The following GARNL3 variants were observed in gnomAD, a reference collection of about 807,000 sequenced individuals.
The protein encoded by GARNL3 is GTPase-activating Rap/Ran-GAP domain-like protein 3.
Under a neutral mutation model 125.0 loss-of-function variants are expected in GARNL3, and 63 were observed. The observed-to-expected ratio is 0.50, with a 90% CI of 0.41 to 0.62. GARNL3 has a LOEUF of 0.62. Ranked by LOEUF, GARNL3 falls within the 20% of genes least tolerant of loss-of-function variation. GARNL3 has a pLI of 0.00. For synonymous variants in GARNL3, 439 were observed against 457.5 expected (o/e 0.96, Z 0.52); for missense variants, 994 against 1,244.0 (o/e 0.80, Z 3.02).
chr9:127,373,878 C>T (rs1264804961), intron 22 of GARNL3, among the ~76,000 whole-genome samples: 4 of 152,130 alleles, frequency 2.6e-5, no homozygotes, highest in African/African-American at 7.2e-5. Context: ...TGGTAGTGCA[C>T]ACCTGCAATC....
chr9:127,345,530 A>G (rs898891961), intron 16 of GARNL3, 53 bp downstream of exon 16: 4 of 1,148,246 alleles, frequency 3.5e-6, no homozygotes. Context: ...TTCCTTAATG[A>G]AAATGATTGA....
Position 127,384,960 on chromosome 9 carries a change from C to T in GARNL3, c.2270-67C>T. The T allele has an allele frequency of 1.2e-6, 1 of 835,316 alleles. No homozygotes were observed. The highest frequency in any genetic ancestry group is 1.9e-6 in the Non-Finnish European group (1 of 518,704). 51.7% of individuals were successfully genotyped at this position (835,316 alleles called of 1,614,324 possible). A position where few individuals can be genotyped will look rare whatever the true frequency, so the allele number is the denominator to read the frequency against. On this transcript the variant is annotated intron_variant, in intron 23 of 27. Transcript: ENST00000373387. The surrounding 1 kb of genome is among the most constrained non-coding windows in gnomAD (Gnocchi z 4.0). ...TCTAGAGAAGTGAGTGTGACTATGACACAGTCACAGCCCCTTCGCGGCCAC... is the reference window on the plus strand; with the variant it reads ...TCTAGAGAAGTGAGTGTGACTATGATACAGTCACAGCCCCTTCGCGGCCAC...
chr9:127,355,642 C>T (rs1025466787), intron 20 of GARNL3, among the ~76,000 whole-genome samples, 170 bp downstream of exon 20: 18 of 152,224 alleles, frequency 1.2e-4, no homozygotes, highest in African/African-American at 4.1e-4. Context: ...AAAGCTAAAG[C>T]TCATTCATTC....
intron 7 of GARNL3, among the ~76,000 whole-genome samples, chr9:127,326,215 C>A (rs1248626855): frequency 1.3e-5 from 2 of 152,098 alleles, no homozygotes; most frequent in African/African-American, 4.8e-5. Context: ...TTTCTTAATG[C>A]TGGTATTTTC....
At chr9:127,365,198 T>C (rs1027121990) in intron 21 of GARNL3, 102 bp from the exon 22 acceptor site, 11 of 941,352 alleles carry the variant, frequency 1.2e-5, no homozygotes, top group Non-Finnish European at 1.9e-5. Context: ...GGCACCTGCA[T>C]GACAGAGGGC....
At chr9:127,246,480 T>TAG (rs1482380236) in intron 2 of GARNL3, among the ~76,000 whole-genome samples, 1 of 151,970 alleles carries the variant, frequency 6.6e-6, no homozygotes, top group African/African-American at 2.4e-5. Flanking sequence ...AAGCACAAAA[T>TAG]ATAAGATAGA....
upstream of GARNL3, among the ~76,000 whole-genome samples, chr9:127,259,394 G>A (rs115073081): frequency 1.0e-3 from 155 of 152,274 alleles, no homozygotes; most frequent in African/African-American, 3.5e-3. Context: ...CCTGGACCAC[G>A]TTGCCTGTGG....
intron 27 of GARNL3, 66 bp downstream of exon 27, chr9:127,390,833 C>G: frequency 6.6e-7 from 1 of 1,503,908 alleles, no homozygotes; most frequent in Non-Finnish European, 9.0e-7. Flanking sequence ...GCCCAGGAGG[C>G]CCCTTCTGGG....
At chr9:127,312,928 T>G (rs1182006872) in intron 3 of GARNL3, among the ~76,000 whole-genome samples, 1 of 152,150 alleles carries the variant, frequency 6.6e-6, no homozygotes, top group Admixed American at 6.5e-5. Context: ...TGACTCAAAC[T>G]GGCACAAACA....
chr9:127,371,168 C>A (rs908314073), intron 22 of GARNL3, among the ~76,000 whole-genome samples: 1 of 152,198 alleles, frequency 6.6e-6, no homozygotes, highest in African/African-American at 2.4e-5. Context: ...TTCCAAATGG[C>A]CTATCTTTTA....
intron 13 of GARNL3, among the ~76,000 whole-genome samples, chr9:127,341,590 G>C (rs1336553083): frequency 6.6e-6 from 1 of 152,198 alleles, no homozygotes; most frequent in Non-Finnish European, 1.5e-5. Flanking sequence ...GAAGCTGAAA[G>C]GGTGTTGGCA....
chr9:127,345,343 G>T, intron 15 of GARNL3, 60 bp from the exon 16 acceptor site: 1 of 1,063,584 alleles, frequency 9.4e-7, no homozygotes. Context: ...AATCACAATT[G>T]TTTATCCTGC....
intron 21 of GARNL3, chr9:127,362,212 G>C (rs1208517950): frequency 6.6e-6 from 1 of 151,266 alleles, no homozygotes; most frequent in African/African-American, 2.4e-5. Flanking sequence ...CTGGGATTAG[G>C]TGCCCACCAC....
chr9:127,309,896 G>C (rs766714262), intron 2 of GARNL3, among the ~76,000 whole-genome samples: 21 of 152,186 alleles, frequency 1.4e-4, no homozygotes, highest in Non-Finnish European at 2.6e-4. Flanking sequence ...GTATGTTCCA[G>C]TAGTCTGTCT....
Position 127,390,872 on chromosome 9 carries a change from C to T in GARNL3, c.2870+105C>T. On this transcript the variant is annotated intron_variant, in intron 27 of 27. Transcript: ENST00000373387. ...TGATAATGCCACTAGTGGCCCCTGGCAGCTACAGCAGAGGGCCAGCAGCCT... is the reference window on the plus strand; with the variant it reads ...TGATAATGCCACTAGTGGCCCCTGGTAGCTACAGCAGAGGGCCAGCAGCCT... 4 of 1,176,050 alleles carry T rather than the reference C, an allele frequency of 3.4e-6. No homozygotes were observed. In the South Asian group the frequency reaches 4.5e-5, roughly 13 times the overall value. 72.9% of individuals were successfully genotyped at this position (1,176,050 alleles called of 1,614,324 possible).
chr9:127,255,884 C>G (rs927365492), intron 2 of GARNL3, among the ~76,000 whole-genome samples: 5 of 152,102 alleles, frequency 3.3e-5, no homozygotes, highest in African/African-American at 1.2e-4. Flanking sequence ...ATCTCACTTC[C>G]TAGGGATTGC....
In GARNL3 at chr9:127,345,395, T is replaced by A. The variant is rs1830082778; in HGVS notation, c.1357-8T>A. 1 of 1,587,022 alleles carries A rather than the reference T, an allele frequency of 6.3e-7. No individual in the cohort carries two copies. Among genetic ancestry groups the A allele is most frequent in the African/African-American group, 1.4e-5 (1 of 73,990 alleles). ...AGTAAACTTTAATAGAGATCTCTGT[T>A]CTGTAAGGCACTAAAACTGAAATCC... On this transcript the variant is annotated splice_polypyrimidine_tract_variant and splice_region_variant and intron_variant, in intron 15 of 27. Transcript: ENST00000373387.
intron 5 of GARNL3, among the ~76,000 whole-genome samples, chr9:127,319,436 C>T (rs1008241560): frequency 6.6e-6 from 1 of 151,782 alleles, no homozygotes; most frequent in African/African-American, 2.4e-5. Flanking sequence ...GAGCTGAGAC[C>T]ATGCTATTGC....
intron 22 of GARNL3, among the ~76,000 whole-genome samples, chr9:127,380,718 C>T (rs1021924407): frequency 1.3e-5 from 2 of 152,080 alleles, no homozygotes; most frequent in African/African-American, 4.8e-5. Context: ...TATGAAATGT[C>T]CGGAAAAGGC....
Sources: allele counts gnomAD v4.1 joint callset (sites outside exome capture counted in the v4.1 genomes callset), GRCh38; gene constraint gnomAD v4.1.1; non-coding constraint Gnocchi (gnomAD v3.1); transcripts MANE v1.5; gene names NCBI Gene and HGNC (gene_info 2026-07-23, HGNC 2026-07-21).